Variants in GOLGA3 observed in about 807,000 individuals in gnomAD.
GOLGA3 encodes golgin subfamily A member 3.
GOLGA3 carries 75 observed loss-of-function variants against 169.4 expected under a neutral mutation model. That is an observed-to-expected ratio of 0.44 (90% confidence interval 0.37 to 0.54). GOLGA3 has a LOEUF of 0.54. Among genes scored for constraint, GOLGA3 ranks in the 20% least tolerant of loss-of-function variants. The probability of loss-of-function intolerance (pLI) is 0.00; values close to 1 mark genes in which losing one functional copy is unlikely to be tolerated. For missense variants in GOLGA3, 1,899 were observed against 1,930.0 expected, an observed-to-expected ratio of 0.98 and a Z score of 0.30; for synonymous variants, 824 against 822.4, an observed-to-expected ratio of 1.00 and a Z score of -0.03.
rs746808078 is a variant in GOLGA3 at position 132,798,404 on chromosome 12, G to A, written c.1874C>T (p.Thr625Met). Residue 625 changes from threonine to methionine, a missense_variant, in exon 9 of 24, where the codon ACG (threonine) becomes ATG (methionine). Physicochemically the swap from Thr to Met is moderately conservative, Grantham distance 81. Coordinates refer to ENST00000450791, the MANE Select transcript of GOLGA3 (RefSeq NM_001389683.1). ...LENVSLSQQL[T>M]ETQHRSMKEK... ...CTTCATGGACCTGTGCTGAGTTTCC[G>A]TCAGCTGCTGGGACAGGGACACATT... is the stretch of plus-strand genomic sequence containing the variant. 26 of 1,613,208 alleles carry A rather than the reference G, an allele frequency of 1.6e-5. No individual in the cohort carries two copies. In the Admixed American group the frequency reaches 2.2e-4, roughly 13 times the overall value.
At chr12:132,828,879 G>A (rs1157538847), upstream of GOLGA3, 1 of 152,254 alleles carries the variant, frequency 6.6e-6, no homozygotes, top group Non-Finnish European at 1.5e-5. Context: ...GGGGCGGGGC[G>A]AGCGGTGCAT....
At position 132,812,013 on chromosome 12, in the gene GOLGA3, A is replaced by AAC. The variant is rs1555262560; in HGVS notation, c.519+1293_519+1294insGT. On this transcript the variant is annotated intron_variant, in intron 4 of 23. Coordinates refer to ENST00000450791, the MANE Select transcript of GOLGA3 (RefSeq NM_001389683.1). The stretch of plus-strand genomic sequence containing the variant: ...GAGACTCCGTCTCTCAAAAAAAAAA[A>AAC]AAAAAAAAAACATTAAAAAAAAAAA... Among the ~76,000 whole-genome samples the AAC allele has an allele frequency of 8.7e-5, 13 of 149,768 alleles. No homozygotes were observed. In the Admixed American group the frequency reaches 8.7e-4, roughly 10 times the overall value.
chr12:132,823,219 C>T (rs150254845), intron 1 of GOLGA3, among the ~76,000 whole-genome samples: 142 of 152,330 alleles, frequency 9.3e-4, no homozygotes, highest in African/African-American at 3.3e-3. Flanking sequence ...CCTGCCCTGC[C>T]GGGCTACATT....
At chr12:132,776,465 C>T (rs185692618) in intron 21 of GOLGA3, among the ~76,000 whole-genome samples, 169 bp downstream of exon 21, 11 of 117,440 alleles carry the variant, frequency 9.4e-5, no homozygotes, top group African/African-American at 3.5e-4. Flanking sequence ...CAGCGCCTCA[C>T]ACACAGGTAC....
At chr12:132,796,515 G>C in intron 10 of GOLGA3, 24 bp downstream of exon 10, 1 of 1,598,954 alleles carries the variant, frequency 6.3e-7, no homozygotes. Context: ...CCTGGGTCCA[G>C]CCTGAAGGGC....
intron 15 of GOLGA3, among the ~76,000 whole-genome samples, chr12:132,784,512 A>G (rs1221538194): frequency 1.3e-5 from 2 of 152,202 alleles, no homozygotes; most frequent in Non-Finnish European, 2.9e-5. Context: ...GATAGTTGGG[A>G]CAAACAAAAT....
At chr12:132,811,946 G>C (rs527894102) in intron 4 of GOLGA3, 2 of 165,382 alleles carry the variant, frequency 1.2e-5, no homozygotes, top group African/African-American at 5.4e-5. Context: ...GGGAGGTGGA[G>C]GTTGCAGTGA....
chr12:132,795,923 C>A lies in GOLGA3; in HGVS notation c.2398G>T (p.Glu800Ter), dbSNP rs1948805590. 6.2e-7 allele frequency: 1 copy of A among 1,614,178 alleles called. No homozygotes were observed. The highest frequency in any genetic ancestry group is 8.5e-7 in the Non-Finnish European group (1 of 1,180,038). Residue 800 changes from glutamate (E) to a stop codon, truncating the protein, a stop_gained, in exon 11 of 24, where the codon GAA (glutamate) becomes TAA (stop). Transcript: ENST00000450791. LOFTEE classifies it high-confidence loss of function. Reference sequence around the variant, plus strand: ...TCCGACGTTTCCTCGGTACCTTCTTCCAAGCGTCTTGCTCCTCTGTCAAGC... The same window carrying A: ...TCCGACGTTTCCTCGGTACCTTCTTACAAGCGTCTTGCTCCTCTGTCAAGC... ...EELDRGARRL[E>*]EGTEETSETL...
chr12:132,806,330 C>T (rs1388695262), intron 6 of GOLGA3, among the ~76,000 whole-genome samples: 2 of 152,158 alleles, frequency 1.3e-5, no homozygotes, highest in Non-Finnish European at 2.9e-5. Context: ...GAAATGCATC[C>T]GACGGAGGGA....
chr12:132,782,447 T>G lies in GOLGA3; in HGVS notation c.3314A>C (p.Glu1105Ala). 3 of 1,614,124 alleles carry G rather than the reference T, an allele frequency of 1.9e-6. No homozygotes were observed. The highest frequency in any genetic ancestry group is 1.7e-6 in the Non-Finnish European group (2 of 1,179,948). Reference sequence around the variant, plus strand: ...TTCAAGAGCCAACTTCTTGTTTGACTCCTCAAGGCGTTTTATCTTCTTCCT... The same window carrying G: ...TTCAAGAGCCAACTTCTTGTTTGACGCCTCAAGGCGTTTTATCTTCTTCCT... ...GFRKKIKRLEESNKKLALELE... is the reference protein window; with the variant it reads ...GFRKKIKRLEASNKKLALELE... Residue 1105 changes from glutamate to alanine, a missense_variant, in exon 17 of 24, where the codon GAG becomes GCG. By Grantham distance (107) the Glu-to-Ala change is moderately radical. Coordinates refer to ENST00000450791, the MANE Select transcript of GOLGA3 (RefSeq NM_001389683.1).
At chr12:132,826,178 A>G in intron 1 of GOLGA3, 2 of 1,590,668 alleles carry the variant, frequency 1.3e-6, no homozygotes, top group Non-Finnish European at 1.7e-6. Context: ...GCAGTTCCAG[A>G]AGTTCTGAGG....
At position 132,816,495 on chromosome 12, in the gene GOLGA3, G is replaced by A. The variant is rs115739061; in HGVS notation, c.406+45C>T. ...GGCACCTGCTCCCAAGGGGCTGAGC[G>A]ACGCGGACGTGGAGGGTGGGAAAAG... is the stretch of plus-strand genomic sequence containing the variant. On this transcript the variant is annotated intron_variant, in intron 3 of 23. Coordinates refer to ENST00000450791, the MANE Select transcript of GOLGA3 (RefSeq NM_001389683.1). 8.7e-4 allele frequency: 1,376 copies of A among 1,588,466 alleles called. 16 individuals are homozygous for A. In the African/African-American group the frequency reaches 0.016, roughly 19 times the overall value.
chr12:132,780,216 GCA>G (rs897045254), intron 18 of GOLGA3, among the ~76,000 whole-genome samples: 2 of 151,796 alleles, frequency 1.3e-5, no homozygotes, highest in African/African-American at 2.4e-5. Context: ...ACACGTGCAC[GCA>G]CACCCCCCAT....
chr12:132,826,244 A>AT (rs1950411268), intron 1 of GOLGA3: 4 of 1,154,684 alleles, frequency 3.5e-6, no homozygotes, highest in Admixed American at 2.8e-5. Context: ...ATTCTCCAAA[A>AT]AAAAAAAAAA....
chr12:132,824,977 G>A (rs761708974), intron 1 of GOLGA3, among the ~76,000 whole-genome samples: 3 of 152,176 alleles, frequency 2.0e-5, no homozygotes, highest in Non-Finnish European at 4.4e-5. Flanking sequence ...AATGATGGCT[G>A]CTTATCACAG....
At chr12:132,799,643 C>T (rs1409389765) in intron 8 of GOLGA3, among the ~76,000 whole-genome samples, 2 of 151,784 alleles carry the variant, frequency 1.3e-5, no homozygotes, top group Admixed American at 6.6e-5. Context: ...ACCCTGTCTC[C>T]GAAAAAACAG....
At position 132,796,084 on chromosome 12, in the gene GOLGA3, T is replaced by C. The variant is rs141773333; in HGVS notation, c.2237A>G (p.His746Arg). The change falls in exon 11 of 24, where the codon CAC (histidine) becomes CGC (arginine). Residue 746 changes from histidine to arginine, a missense_variant. Coordinates refer to ENST00000450791, the MANE Select transcript of GOLGA3 (RefSeq NM_001389683.1). ...REQSLDALQT[H>R]YDELQARLGE... is the part of the protein sequence containing the mutation. The stretch of plus-strand genomic sequence containing the variant: ...CAGCCTGGCCTGCAGCTCATCGTAG[T>C]GTGTCTGCAGGGCATCGAGGGACTG... 5 of 1,613,046 alleles carry C rather than the reference T, an allele frequency of 3.1e-6. No individual in the cohort carries two copies. Among genetic ancestry groups the C allele is most frequent in the South Asian group, 1.1e-5 (1 of 91,088 alleles).
chr12:132,775,260 T>A lies in GOLGA3; in HGVS notation c.4024A>T (p.Thr1342Ser), dbSNP rs773817501. 6.2e-7 allele frequency: 1 copy of A among 1,614,028 alleles called. No homozygotes were observed. Among genetic ancestry groups the A allele is most frequent in the South Asian group, 1.1e-5 (1 of 91,064 alleles). The change falls in exon 22 of 24, where the codon ACC becomes TCC. Residue 1342 changes from threonine (T) to serine (S), a missense_variant. Coordinates refer to ENST00000450791, the MANE Select transcript of GOLGA3 (RefSeq NM_001389683.1). ...TGGAGCATAAATTTATCCTTCTGGGTCATGGACAGGTCTTCCTGGGCCATC... is the reference window on the plus strand; with the variant it reads ...TGGAGCATAAATTTATCCTTCTGGGACATGGACAGGTCTTCCTGGGCCATC... ...LEMAQEDLSM[T>S]QKDKFMLQAK...
At chr12:132,786,016 A>T (rs2045878226) in intron 15 of GOLGA3, among the ~76,000 whole-genome samples, 1 of 152,246 alleles carries the variant, frequency 6.6e-6, no homozygotes, top group Admixed American at 6.5e-5. Context: ...GCGCAGAGGC[A>T]GCTGGAACGC....
Sources: allele counts gnomAD v4.1 joint callset (sites outside exome capture counted in the v4.1 genomes callset), GRCh38; gene constraint gnomAD v4.1.1; transcripts MANE v1.5; gene names NCBI Gene and HGNC (gene_info 2026-07-23, HGNC 2026-07-21).